Variants in NUP85 observed in about 807,000 individuals in gnomAD.
NUP85 encodes nuclear pore complex protein Nup85.
A neutral mutation model predicts 92.8 loss-of-function variants in NUP85; 23 were observed. The ratio of observed to expected loss-of-function variants is 0.25; its 90% CI spans 0.18 to 0.35. The LOEUF (loss-of-function observed/expected upper bound fraction) is 0.35. NUP85 is among the 10% of genes least tolerant of loss of function. The probability of loss-of-function intolerance (pLI) is 1.00; values close to 1 mark genes in which losing one functional copy is unlikely to be tolerated. For missense variants in NUP85, 759 were observed against 822.8 expected (o/e 0.92, Z 0.95); for synonymous variants, 314 against 306.9 (o/e 1.02, Z -0.24).
intron 3 of NUP85, among the ~76,000 whole-genome samples, chr17:75,210,196 C>T (rs1189392731): frequency 6.6e-6 from 1 of 152,106 alleles, no homozygotes; most frequent in Non-Finnish European, 1.5e-5. Flanking sequence ...GCTGGCTTGA[C>T]AAGCTTTATT....
intron 7 of NUP85, among the ~76,000 whole-genome samples, chr17:75,220,297 G>C (rs2075560240): frequency 6.6e-6 from 1 of 151,690 alleles, no homozygotes; most frequent in African/African-American, 2.4e-5. Context: ...GCTAATTTTT[G>C]TATTTTTAGT....
intron 3 of NUP85, among the ~76,000 whole-genome samples, chr17:75,211,003 G>GTT (rs11403555): frequency 0.045 from 4,989 of 111,646 alleles, 365 homozygotes; most frequent in Admixed American, 0.1. Context: ...GCCTGGCCCT[G>GTT]TTTTTTTTTT....
Position 75,213,103 on chromosome 17 carries a change from G to T in NUP85, c.389G>T (p.Arg130Leu). 6.2e-7 allele frequency: 1 copy of T among 1,613,472 alleles called. No individual in the cohort carries two copies. The highest frequency in any genetic ancestry group is 8.5e-7 in the Non-Finnish European group (1 of 1,179,768). ...GCTGCTAAAGATCCAGCCAATGGCC[G>T]CCAGTTCAGCAGCCAGGTAAGGGGA... The part of the protein sequence containing the change: ...AIAAKDPANG[R>L]QFSSQVSILS... Residue 130 changes from arginine to leucine, a missense_variant, in exon 5 of 19, where the codon CGC (arginine) becomes CTC (leucine). By Grantham distance (102) the Arg-to-Leu change is moderately radical (BLOSUM62 -2). Transcript: ENST00000245544.
rs568404077 is a variant in NUP85, at chr17:75,215,480, G to T, written c.406-274G>T. On this transcript the variant is annotated intron_variant, in intron 5 of 18. Transcript: ENST00000245544. Reference sequence around the variant, plus strand: ...CTGCCTTGGCCTCCCAAAGTGCTGGGATTACAGGAATGAGCCACTGCACCT... The same window carrying T: ...CTGCCTTGGCCTCCCAAAGTGCTGGTATTACAGGAATGAGCCACTGCACCT... Among the ~76,000 whole-genome samples the T allele has an allele frequency of 1.3e-4, 20 of 152,328 alleles. No homozygotes were observed. In the South Asian group the frequency reaches 2.5e-3, roughly 19 times the overall value.
chr17:75,231,162 C>G lies in NUP85; in HGVS notation c.1095-178C>G. The G allele has an allele frequency of 1.6e-6, 1 of 640,500 alleles. No individual in the cohort carries two copies. Among genetic ancestry groups the G allele is most frequent in the Non-Finnish European group, 2.8e-6 (1 of 359,476 alleles). 39.7% of individuals were successfully genotyped at this position (640,500 alleles called of 1,614,324 possible). A position where few individuals can be genotyped will look rare whatever the true frequency, so the allele number is the denominator to read the frequency against. ...CAGGCTGGTCTTAAATTCCTGGACTCAGGTGATCTGCCTGCCTTGGCCTCC... is the reference window on the plus strand; with the variant it reads ...CAGGCTGGTCTTAAATTCCTGGACTGAGGTGATCTGCCTGCCTTGGCCTCC... On this transcript the variant is annotated intron_variant, in intron 11 of 18. Transcript: ENST00000245544. This position sits in a 1 kb window ranked among gnomAD's most constrained non-coding sequence, Gnocchi z 4.6.
rs899038224 is a variant in NUP85 at position 75,234,758 on chromosome 17, A to T, written c.1737A>T (p.Thr579=). 4 of 1,614,054 alleles carry T rather than the reference A, an allele frequency of 2.5e-6. No homozygotes were observed. The African/African-American group carries it at 5.3e-5, about 22-fold the overall frequency. Residue 579 remains threonine (T), a synonymous_variant, in exon 17 of 19, where the codon ACA becomes ACT. Transcript: ENST00000245544. The part of the protein sequence containing the change: ...APRSFWMTLL[T]DALPLLEQKQ... The stretch of plus-strand genomic sequence containing the variant: ...GGTCTTTCTGGATGACTCTGCTGAC[A>T]GACGCCTTGCCCCTTTTGGAACAGA...
Position 75,231,213 on chromosome 17 carries a change from G to A in NUP85, c.1095-127G>A. ...CAAAGTACTGGGATCACGGGCATGAGCTATCATCACGCCCGGCCCCATCTC... is the reference window on the plus strand; with the variant it reads ...CAAAGTACTGGGATCACGGGCATGAACTATCATCACGCCCGGCCCCATCTC... On this transcript the variant is annotated intron_variant, in intron 11 of 18. Transcript: ENST00000245544. This position sits in a 1 kb window ranked among gnomAD's most constrained non-coding sequence, Gnocchi z 4.6. The A allele has an allele frequency of 1.2e-6, 1 of 864,508 alleles. No individual in the cohort carries two copies. 53.6% of individuals were successfully genotyped at this position (864,508 alleles called of 1,614,324 possible).
chr17:75,208,440 C>CAAAAAA (rs10579016), intron 1 of NUP85, 87 bp from the exon 2 acceptor site: 2 of 577,186 alleles, frequency 3.5e-6, no homozygotes, highest in African/African-American at 2.8e-5. Flanking sequence ...GTCTTTGTCT[C>CAAAAAA]AAAAAAAAAA....
intron 7 of NUP85, among the ~76,000 whole-genome samples, chr17:75,223,054 A>C (rs1009399667): frequency 1.1e-4 from 16 of 151,396 alleles, no homozygotes; most frequent in East Asian, 3.9e-4. Flanking sequence ...AAAAAAAAAA[A>C]CTCAGGGCCA....
At chr17:75,225,268 C>T in intron 8 of NUP85, 31 bp downstream of exon 8, 1 of 1,607,774 alleles carries the variant, frequency 6.2e-7, no homozygotes, top group South Asian at 1.1e-5. Context: ...TCTGCTGGGT[C>T]ACAGGAGATG....
chr17:75,218,851 G>A (rs1385915198), intron 7 of NUP85, among the ~76,000 whole-genome samples: 6 of 152,070 alleles, frequency 3.9e-5, no homozygotes, highest in Admixed American at 2.6e-4. Flanking sequence ...CCTCCTGTGC[G>A]GTCCTACCAC....
intron 11 of NUP85, chr17:75,229,238 G>GT: frequency 1.2e-6 from 1 of 832,596 alleles, no homozygotes; most frequent in Non-Finnish European, 1.4e-6. Flanking sequence ...TGGATGCAGG[G>GT]TGCAGCAGTG....
Position 75,208,563 on chromosome 17 carries a change from T to C in NUP85, c.70T>C (p.Tyr24His). 1 of 1,609,450 alleles carries C rather than the reference T, an allele frequency of 6.2e-7. No homozygotes were observed. Among genetic ancestry groups the C allele is most frequent in the Non-Finnish European group, 8.5e-7 (1 of 1,176,132 alleles). Residue 24 changes from tyrosine to histidine, a missense_variant, in exon 2 of 19, where the codon TAT becomes CAT. Coordinates refer to ENST00000245544, the MANE Select transcript of NUP85 (RefSeq NM_024844.5). ...CGTGAATTCCAAGAAGAACCAAATG[T>C]ATTTTGACTGGGGTCCAGGGGAGAT... ...PGVNSKKNQM[Y>H]FDWGPGEMLV... is the part of the protein sequence containing the mutation.
intron 7 of NUP85, among the ~76,000 whole-genome samples, chr17:75,223,199 A>G (rs1169943705): frequency 6.6e-6 from 1 of 152,172 alleles, no homozygotes. Flanking sequence ...AAAATGTGGC[A>G]CTAACTGCAT....
chr17:75,230,501 A>C (rs2145400660), intron 11 of NUP85, among the ~76,000 whole-genome samples: 1 of 151,934 alleles, frequency 6.6e-6, no homozygotes, highest in East Asian at 1.9e-4. Context: ...CTGGGACTAC[A>C]GGTGTCCGCC....
At chr17:75,216,637 C>A (rs751868740) in intron 6 of NUP85, among the ~76,000 whole-genome samples, 1 of 152,128 alleles carries the variant, frequency 6.6e-6, no homozygotes, top group Non-Finnish European at 1.5e-5. Flanking sequence ...GGATCTGCTG[C>A]AGCTTTTTTG....
At chr17:75,226,298 G>T (rs1307868310) in intron 11 of NUP85, 141 bp downstream of exon 11, 8 of 638,072 alleles carry the variant, frequency 1.3e-5, no homozygotes, top group Admixed American at 1.1e-4. Flanking sequence ...TGATATTACA[G>T]AATACCTGAG....
At chr17:75,235,238 G>A (rs1186360841) in intron 18 of NUP85, 37 bp downstream of exon 18, 2 of 1,481,282 alleles carry the variant, frequency 1.4e-6, no homozygotes, top group African/African-American at 1.4e-5. Context: ...TCCACATGGA[G>A]GTGGGAAAAG....
chr17:75,233,375 CTT>C (rs1491522498), intron 16 of NUP85, among the ~76,000 whole-genome samples: 6 of 97,582 alleles, frequency 6.1e-5, no homozygotes, highest in Admixed American at 2.4e-4. Flanking sequence ...GTTTTTCTTT[CTT>C]TCTCTCTTTC....
Sources: gnomAD v4.1 joint callset for allele counts (sites outside exome capture counted in the v4.1 genomes callset) on GRCh38, gnomAD v4.1.1 for gene constraint, Gnocchi (gnomAD v3.1) non-coding constraint, MANE v1.5 for transcripts, NCBI Gene and HGNC (gene_info 2026-07-23, HGNC 2026-07-21) for gene names.